The following NRG3 variants were observed in gnomAD, a reference collection of about 807,000 sequenced individuals.
The protein encoded by NRG3 is neuregulin 3.
A neutral mutation model predicts 66.9 loss-of-function variants in NRG3; 31 were observed. The ratio of observed to expected loss-of-function variants is 0.46; its 90% confidence interval spans 0.35 to 0.63. The LOEUF is 0.63. Among genes scored for constraint, NRG3 ranks in the 20% least tolerant of loss-of-function variants. The pLI is 0.00. For synonymous variants in NRG3, 393 were observed against 359.4 expected (o/e 1.09, Z -1.06); for missense variants, 910 against 878.9 (o/e 1.04, Z -0.45).
At chr10:82,390,882 G>A (rs1373362457) in intron 2 of NRG3, among the ~76,000 whole-genome samples, 2 of 152,144 alleles carry the variant, frequency 1.3e-5, no homozygotes, top group Non-Finnish European at 2.9e-5. Context: ...TGCAATATGG[G>A]GACAGCTCTG....
At chr10:82,320,859 A>G (rs532437386) in intron 1 of NRG3, among the ~76,000 whole-genome samples, 1 of 152,228 alleles carries the variant, frequency 6.6e-6, no homozygotes, top group African/African-American at 2.4e-5. Context: ...GGCTTACCAT[A>G]TCTGCTATAC....
chr10:82,289,073 A>G (rs2079576990), intron 1 of NRG3, among the ~76,000 whole-genome samples: 1 of 152,152 alleles, frequency 6.6e-6, no homozygotes, highest in South Asian at 2.1e-4. Context: ...GTTCTCTTCT[A>G]AGTCCATGCT....
intron 1 of NRG3, among the ~76,000 whole-genome samples, chr10:81,959,674 T>G (rs955158605): frequency 1.0e-4 from 15 of 149,236 alleles, no homozygotes; most frequent in Non-Finnish European, 8.9e-5. Context: ...TTTAACTTCA[T>G]TTTTTTTTTA....
intron 1 of NRG3, among the ~76,000 whole-genome samples, chr10:81,956,754 A>T (rs1849871473): frequency 6.6e-6 from 1 of 152,144 alleles, no homozygotes; most frequent in South Asian, 2.1e-4. Context: ...TCACAAGATC[A>T]AGTCCCTATT....
At chr10:82,129,851 A>G (rs946345448) in intron 1 of NRG3, among the ~76,000 whole-genome samples, 1 of 152,100 alleles carries the variant, frequency 6.6e-6, no homozygotes, top group African/African-American at 2.4e-5. Context: ...GTGAGAACCC[A>G]CGCCTGTCCT....
intron 1 of NRG3, among the ~76,000 whole-genome samples, chr10:81,900,694 T>C (rs568741801): frequency 2.0e-5 from 3 of 152,236 alleles, no homozygotes; most frequent in Non-Finnish European, 4.4e-5. Context: ...GTTTTATAGG[T>C]ATGATTTACC....
intron 2 of NRG3, among the ~76,000 whole-genome samples, chr10:82,537,392 G>A (rs1312717315): frequency 6.6e-6 from 1 of 152,076 alleles, no homozygotes; most frequent in Non-Finnish European, 1.5e-5. Flanking sequence ...TTAGGGGCTT[G>A]CAGGACAATG....
intron 1 of NRG3, among the ~76,000 whole-genome samples, chr10:81,935,373 A>G (rs1185744795): frequency 6.6e-6 from 1 of 152,200 alleles, no homozygotes; most frequent in Non-Finnish European, 1.5e-5. Context: ...AAGCAACATC[A>G]GAAGCACCAG....
At chr10:82,266,589 G>C (rs769058664) in intron 1 of NRG3, among the ~76,000 whole-genome samples, 1 of 152,138 alleles carries the variant, frequency 6.6e-6, no homozygotes, top group Non-Finnish European at 1.5e-5. Flanking sequence ...CATTACTAAA[G>C]GTAGACAGAA....
intron 2 of NRG3, among the ~76,000 whole-genome samples, chr10:82,486,432 T>TG (rs1842683654): frequency 6.6e-6 from 1 of 152,012 alleles, no homozygotes; most frequent in African/African-American, 2.4e-5. Context: ...TTTTTTTTTT[T>TG]GAGATGGAGT....
intron 2 of NRG3, among the ~76,000 whole-genome samples, chr10:82,560,701 ATAG>A (rs1170581401): frequency 1.3e-5 from 2 of 151,466 alleles, no homozygotes; most frequent in Admixed American, 6.6e-5. Flanking sequence ...CCATATCATA[ATAG>A]AAATGGCTTT....
chr10:82,879,590 A>C (rs1452738627), intron 4 of NRG3, among the ~76,000 whole-genome samples: 1 of 149,876 alleles, frequency 6.7e-6, no homozygotes, highest in African/African-American at 2.5e-5. Context: ...CTCCTGCCTC[A>C]GCCTCTGGAG....
At chr10:81,957,998 C>G (rs1850000244) in intron 1 of NRG3, among the ~76,000 whole-genome samples, 1 of 152,114 alleles carries the variant, frequency 6.6e-6, no homozygotes, top group Non-Finnish European at 1.5e-5. Context: ...ATAGGGTGGC[C>G]TTTCCAGATT....
chr10:82,652,202 A>AG (rs2051470816), intron 2 of NRG3, among the ~76,000 whole-genome samples: 1 of 152,144 alleles, frequency 6.6e-6, no homozygotes, highest in Non-Finnish European at 1.5e-5. Flanking sequence ...CAGCACCTGG[A>AG]GGGGGTGCCT....
intron 2 of NRG3, among the ~76,000 whole-genome samples, chr10:82,730,238 C>T (rs888697279): frequency 1.3e-5 from 2 of 151,990 alleles, no homozygotes; most frequent in Non-Finnish European, 2.9e-5. Flanking sequence ...GTGCCCACCA[C>T]CGTGCCTGGC....
intron 2 of NRG3, among the ~76,000 whole-genome samples, chr10:82,570,010 T>G (rs1207681211): frequency 6.6e-6 from 1 of 151,664 alleles, no homozygotes; most frequent in Non-Finnish European, 1.5e-5. Context: ...GGTTTTCTCT[T>G]TCTTCATCCA....
At chr10:82,573,309 T>G (rs2045848220) in intron 2 of NRG3, among the ~76,000 whole-genome samples, 1 of 151,798 alleles carries the variant, frequency 6.6e-6, no homozygotes, top group African/African-American at 2.4e-5. Flanking sequence ...GACTCAATTT[T>G]GAGATTCTGT....
intron 4 of NRG3, among the ~76,000 whole-genome samples, chr10:82,865,682 T>C (rs1217172744): frequency 2.0e-5 from 3 of 152,186 alleles, no homozygotes; most frequent in Admixed American, 6.5e-5. Context: ...TGTATTTGGC[T>C]CCTGGCTTTG....
intron 2 of NRG3, among the ~76,000 whole-genome samples, chr10:82,602,029 G>C (rs1209397563): frequency 6.6e-6 from 1 of 151,108 alleles, no homozygotes; most frequent in African/African-American, 2.4e-5. Context: ...GCTGCAGTGA[G>C]CTATGATCAT....
Sources: gnomAD v4.1 joint callset for allele counts (sites outside exome capture counted in the v4.1 genomes callset) on GRCh38, gnomAD v4.1.1 for gene constraint, MANE v1.5 for transcripts, NCBI Gene and HGNC (gene_info 2026-07-23, HGNC 2026-07-21) for gene names.